Variants in TMCC1 observed in about 807,000 individuals in gnomAD.
The protein encoded by TMCC1 is transmembrane and coiled-coil domains protein 1.
A neutral mutation model predicts 52.4 loss-of-function variants in TMCC1; 15 were observed. That is an observed-to-expected ratio of 0.29 (90% CI 0.19 to 0.44). The LOEUF (loss-of-function observed/expected upper bound fraction) is 0.44, where lower values mean the gene tolerates loss of function less well. TMCC1 is among the 20% of genes least tolerant of loss of function. The pLI, the probability that TMCC1 is intolerant of heterozygous loss-of-function variation, is 1.00. For missense variants in TMCC1, 503 were observed against 806.0 expected, an observed-to-expected ratio of 0.62 and a Z score of 4.55; for synonymous variants, 279 against 301.9, an observed-to-expected ratio of 0.92 and a Z score of 0.79.
At chr3:129,764,149 C>T (rs1032444150) in intron 4 of TMCC1, among the ~76,000 whole-genome samples, 3 of 152,140 alleles carry the variant, frequency 2.0e-5, no homozygotes, top group Non-Finnish European at 4.4e-5. Flanking sequence ...AAAATTAATT[C>T]TTTCAAAACT....
intron 1 of TMCC1, among the ~76,000 whole-genome samples, chr3:129,890,292 C>T (rs2061905350): frequency 6.6e-6 from 1 of 152,198 alleles, no homozygotes. Context: ...GTGACCAATG[C>T]TCAAGGACAA....
intron 2 of TMCC1, among the ~76,000 whole-genome samples, chr3:129,877,218 T>C (rs529010017): frequency 2.0e-5 from 3 of 152,202 alleles, no homozygotes; most frequent in Admixed American, 1.3e-4. Flanking sequence ...AACTACCCTT[T>C]ATCAAGGTTA....
chr3:129,822,383 T>C (rs2058462814), intron 4 of TMCC1, among the ~76,000 whole-genome samples: 1 of 152,096 alleles, frequency 6.6e-6, no homozygotes, highest in Non-Finnish European at 1.5e-5. Flanking sequence ...GAGGATGCAA[T>C]GAGCCATGAT....
Position 129,827,861 on chromosome 3 carries a change from C to T in TMCC1, c.518G>A (p.Cys173Tyr). 1 of 1,613,904 alleles carries T rather than the reference C, an allele frequency of 6.2e-7. No individual in the cohort carries two copies. The highest frequency in any genetic ancestry group is 8.5e-7 in the Non-Finnish European group (1 of 1,179,820). The change falls in exon 4 of 7, where the codon TGT (cysteine) becomes TAT (tyrosine). Residue 173 changes from cysteine (C) to tyrosine (Y), a missense_variant. Physicochemically the swap from Cys to Tyr is radical, Grantham distance 194. Transcript: ENST00000393238. The part of the protein sequence containing the change: ...PTSSAMMEIA[C>Y]AAAAAAAACL... Reference sequence around the variant, plus strand: ...TGCAGCAGCAGCAGCAGCAGCAGCACAAGCTATTTCCATCATAGCAGAGCT... The same window carrying T: ...TGCAGCAGCAGCAGCAGCAGCAGCATAAGCTATTTCCATCATAGCAGAGCT...
intron 2 of TMCC1, among the ~76,000 whole-genome samples, chr3:129,858,270 T>C (rs1223495790): frequency 6.6e-6 from 1 of 152,244 alleles, no homozygotes; most frequent in African/African-American, 2.4e-5. Flanking sequence ...ATCCTCCATA[T>C]CGCAGCACAC....
intron 4 of TMCC1, among the ~76,000 whole-genome samples, chr3:129,786,900 C>A (rs984902758): frequency 2.0e-5 from 3 of 152,138 alleles, no homozygotes; most frequent in Admixed American, 1.3e-4. Flanking sequence ...ATGATTAACT[C>A]GATGAGTTTT....
At chr3:129,710,949 C>T (rs907484016) in intron 4 of TMCC1, among the ~76,000 whole-genome samples, 1 of 152,194 alleles carries the variant, frequency 6.6e-6, no homozygotes, top group Non-Finnish European at 1.5e-5. Context: ...ACTGCAACCT[C>T]CGCCTCCCAG....
chr3:129,853,635 C>CAAA (rs150947206), intron 2 of TMCC1, among the ~76,000 whole-genome samples: 1,338 of 112,852 alleles, frequency 0.012, 20 homozygotes, highest in African/African-American at 0.031. Context: ...CACCCCACCT[C>CAAA]AAAAAAAAAA....
At chr3:129,714,363 T>C (rs1295018825) in intron 4 of TMCC1, among the ~76,000 whole-genome samples, 1 of 152,222 alleles carries the variant, frequency 6.6e-6, no homozygotes, top group Admixed American at 6.5e-5. Context: ...TGTAGGTGAA[T>C]GACTGTGCCA....
chr3:129,847,781 A>G (rs1179762092), intron 2 of TMCC1: 4 of 152,212 alleles, frequency 2.6e-5, no homozygotes, highest in African/African-American at 9.7e-5. Context: ...TCCATTTCAC[A>G]TTCCTATCGT....
intron 4 of TMCC1, among the ~76,000 whole-genome samples, chr3:129,798,502 T>C (rs908269281): frequency 1.4e-5 from 2 of 140,044 alleles, no homozygotes; most frequent in African/African-American, 2.8e-5. Context: ...TCCTAAATCA[T>C]TGCTAAAAGA....
At position 129,843,128 on chromosome 3, in the gene TMCC1, C is replaced by T. The variant is rs548491031; in HGVS notation, c.-183-10302G>A. Among the ~76,000 whole-genome samples, 38 of 152,236 alleles carry T rather than the reference C, an allele frequency of 2.5e-4. No individual in the cohort carries two copies. In the South Asian group the frequency reaches 7.7e-3, roughly 31 times the overall value. On this transcript the variant is annotated intron_variant, in intron 2 of 6. Transcript: ENST00000393238. ...TTGGGAGGCTGAGGTGGGCAGATCA[C>T]GAGGTCAGGAGATCGAGACCATCCC...
intron 4 of TMCC1, among the ~76,000 whole-genome samples, chr3:129,809,891 A>G (rs2057705027): frequency 6.6e-6 from 1 of 151,676 alleles, no homozygotes; most frequent in Non-Finnish European, 1.5e-5. Context: ...ACTCATCTAA[A>G]TAAGGACCCT....
At chr3:129,757,142 T>C (rs1466889283) in intron 4 of TMCC1, among the ~76,000 whole-genome samples, 1 of 152,152 alleles carries the variant, frequency 6.6e-6, no homozygotes, top group African/African-American at 2.4e-5. Flanking sequence ...ACCAGAGTCA[T>C]ACAAATAAGT....
intron 4 of TMCC1, among the ~76,000 whole-genome samples, chr3:129,693,490 T>C (rs2047170866): frequency 6.8e-6 from 1 of 147,894 alleles, no homozygotes; most frequent in African/African-American, 2.4e-5. Context: ...GATCTTGCCT[T>C]CCCCAAGATT....
At chr3:129,794,371 A>C in intron 4 of TMCC1, 1 of 456,296 alleles carries the variant, frequency 2.2e-6, no homozygotes, top group Non-Finnish European at 4.4e-6. Flanking sequence ...ATGATCACCC[A>C]GAGGATCTTC....
intron 2 of TMCC1, among the ~76,000 whole-genome samples, chr3:129,863,674 C>G (rs1459542549): frequency 6.6e-6 from 1 of 152,062 alleles, no homozygotes; most frequent in East Asian, 1.9e-4. Flanking sequence ...CCAGCCTAAC[C>G]AACATGGTGA....
intron 5 of TMCC1, among the ~76,000 whole-genome samples, chr3:129,667,153 T>A (rs1380717401): frequency 3.8e-5 from 5 of 133,134 alleles, no homozygotes; most frequent in Non-Finnish European, 7.7e-5. Flanking sequence ...TCCACCCACC[T>A]CAGCCTCCCA....
chr3:129,654,537 A>C (rs1175186482), intron 6 of TMCC1, among the ~76,000 whole-genome samples: 1 of 152,232 alleles, frequency 6.6e-6, no homozygotes, highest in African/African-American at 2.4e-5. Context: ...AGCCTTAATT[A>C]AACATTACTG....
Sources: gnomAD v4.1 joint callset for allele counts (sites outside exome capture counted in the v4.1 genomes callset) on GRCh38, gnomAD v4.1.1 for gene constraint, MANE v1.5 for transcripts, NCBI Gene and HGNC (gene_info 2026-07-23, HGNC 2026-07-21) for gene names.